The following DGAT2L6 variants were observed in gnomAD, a reference collection of about 807,000 sequenced individuals.
DGAT2L6 encodes the protein diacylglycerol O-acyltransferase 2-like protein 6.
Under a neutral mutation model 25.5 loss-of-function variants are expected in DGAT2L6, and 22 were observed. That is an observed-to-expected ratio of 0.86 (90% confidence interval 0.62 to 1.23). The LOEUF is 1.23. Among genes scored for constraint, DGAT2L6 ranks in the 50% most tolerant of loss-of-function variants. The probability of loss-of-function intolerance (pLI) is 0.00; values close to 1 mark genes in which losing one functional copy is unlikely to be tolerated. For synonymous variants in DGAT2L6, 100 were observed against 94.7 expected, an observed-to-expected ratio of 1.06 and a Z score of -0.32; for missense variants, 287 against 253.2, an observed-to-expected ratio of 1.13 and a Z score of -0.91.
At chrX:70,196,507 G>GAAA (rs2085392231) in intron 1 of DGAT2L6, among the ~76,000 whole-genome samples, 2 of 74,620 alleles carry the variant, frequency 2.7e-5, no homozygotes, top group Non-Finnish European at 5.5e-5. Flanking sequence ...AAAAAAGAAA[G>GAAA]AAAAAAGAAA....
chrX:70,189,612 A>C lies in DGAT2L6; in HGVS notation c.86-9659A>C, dbSNP rs12689636. 2.3e-4 allele frequency among the ~76,000 whole-genome samples: 26 copies of C among 111,978 alleles called. No homozygotes were observed. The East Asian group carries it at 6.2e-3, about 27-fold the overall frequency. ...TCACAGTCAGGCTATATTAGGTAAT[A>C]GTTTCGCATAAATATTAAATTTCCC... On this transcript the variant is annotated intron_variant, in intron 1 of 6. Transcript: ENST00000333026.
intron 6 of DGAT2L6, among the ~76,000 whole-genome samples, chrX:70,204,725 C>T (rs184495239): frequency 2.7e-5 from 3 of 111,891 alleles, no homozygotes; most frequent in Non-Finnish European, 3.8e-5. Context: ...CATCACCATT[C>T]GCACACATTC....
intron 1 of DGAT2L6, among the ~76,000 whole-genome samples, chrX:70,178,533 A>G (rs1052767844): frequency 5.4e-5 from 6 of 110,960 alleles, no homozygotes; most frequent in Admixed American, 2.9e-4. Flanking sequence ...TTTCCCTGCC[A>G]GAAACCAGGG....
At chrX:70,189,466 A>G (rs1383249302) in intron 1 of DGAT2L6, among the ~76,000 whole-genome samples, 1 of 112,344 alleles carries the variant, frequency 8.9e-6, no homozygotes, top group Non-Finnish European at 1.9e-5. Flanking sequence ...ATGCTGATGA[A>G]TAAAATAAAA....
In DGAT2L6 at chrX:70,177,596, C is replaced by T. The variant is rs140208534; in HGVS notation, c.14C>T (p.Ser5Phe). Residue 5 changes from serine (S) to phenylalanine (F), a missense_variant, in exon 1 of 7, where the codon TCC becomes TTC. Physicochemically the swap from Ser to Phe is radical, Grantham distance 155. Transcript: ENST00000333026. MAFF[S>F]RLNLQEGLQT... ...AGCACCATAACCATGGCTTTCTTCT[C>T]CCGACTGAATCTCCAGGAGGGCCTC... 2 of 1,210,910 alleles carry T rather than the reference C, an allele frequency of 1.7e-6. No homozygotes were observed. The highest frequency in any genetic ancestry group is 2.2e-6 in the Non-Finnish European group (2 of 894,704).
chrX:70,190,874 AC>A (rs1222438305), intron 1 of DGAT2L6, among the ~76,000 whole-genome samples: 2 of 112,124 alleles, frequency 1.8e-5, no homozygotes, highest in African/African-American at 3.2e-5. Context: ...CAGGAGGCAC[AC>A]CTGTCCATGC....
chrX:70,179,508 C>A (rs867936884), intron 1 of DGAT2L6, among the ~76,000 whole-genome samples: 6 of 103,371 alleles, frequency 5.8e-5, no homozygotes, highest in African/African-American at 2.1e-4. Flanking sequence ...GCTATGTGAG[C>A]GGGTCCTTTT....
At chrX:70,201,743 C>T (rs1259594801) in intron 4 of DGAT2L6, 147 bp from the exon 5 acceptor site, 15 of 651,406 alleles carry the variant, frequency 2.3e-5, no homozygotes, top group Admixed American at 2.2e-4. Flanking sequence ...AGTCATAACC[C>T]GGGACACGAA....
intron 1 of DGAT2L6, among the ~76,000 whole-genome samples, chrX:70,186,787 A>G (rs999402067): frequency 8.9e-6 from 1 of 112,165 alleles, no homozygotes; most frequent in Non-Finnish European, 1.9e-5. Flanking sequence ...TAATGTCCCT[A>G]CAGGGCATGG....
At chrX:70,182,301 T>C (rs2085345625) in intron 1 of DGAT2L6, among the ~76,000 whole-genome samples, 1 of 109,583 alleles carries the variant, frequency 9.1e-6, no homozygotes, top group Non-Finnish European at 1.9e-5. Context: ...TGACAGCCCC[T>C]CTGAGAGCCA....
intron 1 of DGAT2L6, among the ~76,000 whole-genome samples, chrX:70,195,286 G>A (rs1228955293): frequency 2.7e-5 from 3 of 111,586 alleles, no homozygotes; most frequent in Non-Finnish European, 5.6e-5. Context: ...GTACACTGTT[G>A]GTAGGTATGT....
At chrX:70,178,496 C>T (rs1224394621) in intron 1 of DGAT2L6, among the ~76,000 whole-genome samples, 2 of 110,769 alleles carry the variant, frequency 1.8e-5, no homozygotes, top group Non-Finnish European at 3.8e-5. Flanking sequence ...GGAGTGCAAA[C>T]GGCAAACGGG....
intron 1 of DGAT2L6, among the ~76,000 whole-genome samples, chrX:70,183,284 C>T (rs1318516759): frequency 8.9e-6 from 1 of 112,144 alleles, no homozygotes; most frequent in Non-Finnish European, 1.9e-5. Context: ...ATTCACTAAA[C>T]AAACAGGAAA....
intron 1 of DGAT2L6, among the ~76,000 whole-genome samples, chrX:70,191,462 A>G (rs1035804505): frequency 8.9e-6 from 1 of 111,875 alleles, no homozygotes; most frequent in African/African-American, 3.2e-5. Flanking sequence ...AAATTAGCCA[A>G]TTAGAGAAAC....
intron 1 of DGAT2L6, among the ~76,000 whole-genome samples, chrX:70,184,788 A>G (rs754276506): frequency 4.5e-5 from 5 of 110,758 alleles, no homozygotes; most frequent in Non-Finnish European, 7.6e-5. Flanking sequence ...CATTCCCAGC[A>G]TTCCCACATA....
chrX:70,178,157 T>C (rs1035908551), intron 1 of DGAT2L6, among the ~76,000 whole-genome samples: 2 of 104,969 alleles, frequency 1.9e-5, no homozygotes, highest in African/African-American at 7.1e-5. Flanking sequence ...AAAAAAAAAA[T>C]CACTCCAGTC....
chrX:70,187,259 C>T (rs1602689249), intron 1 of DGAT2L6, among the ~76,000 whole-genome samples: 1 of 110,693 alleles, frequency 9.0e-6, no homozygotes, highest in Non-Finnish European at 1.9e-5. Context: ...TGACATTTAT[C>T]TTGAGGCCTG....
At chrX:70,190,751 A>T (rs1157921810) in intron 1 of DGAT2L6, among the ~76,000 whole-genome samples, 2 of 112,015 alleles carry the variant, frequency 1.8e-5, no homozygotes, top group Non-Finnish European at 3.8e-5. Flanking sequence ...TGTCTGTGCC[A>T]TAGGAAGCAA....
At chrX:70,196,077 C>T (rs771260528) in intron 1 of DGAT2L6, among the ~76,000 whole-genome samples, 10 of 111,387 alleles carry the variant, frequency 9.0e-5, no homozygotes, top group African/African-American at 2.9e-4. Context: ...ATTGAATATA[C>T]ACCATTTTTA....
Sources: gnomAD v4.1 joint callset for allele counts (sites outside exome capture counted in the v4.1 genomes callset) on GRCh38, gnomAD v4.1.1 for gene constraint, MANE v1.5 for transcripts, NCBI Gene and HGNC (gene_info 2026-07-23, HGNC 2026-07-21) for gene names.